ACACB: variants seen among roughly 807,000 people sequenced by gnomAD.
ACACB encodes the protein acetyl-CoA carboxylase beta, also known as acetyl-CoA carboxylase 2.
ACACB carries 209 observed loss-of-function variants against 278.8 expected under a neutral mutation model. The observed-to-expected ratio is 0.75, with a 90% CI of 0.67 to 0.84. The LOEUF is 0.84. Ranked by LOEUF, ACACB falls within the 40% of genes least tolerant of loss-of-function variation. The pLI is 0.00. For missense variants in ACACB, 2,850 were observed against 3,269.0 expected (o/e 0.87, Z 3.13); for synonymous variants, 1,174 against 1,285.6 (o/e 0.91, Z 1.86).
chr12:109,258,962 C>G lies in ACACB; in HGVS notation c.6361-11C>G. On this transcript the variant is annotated splice_polypyrimidine_tract_variant and intron_variant, in intron 46 of 52. Transcript: ENST00000338432. ...GCAGAGACATCTGATCCCCGCAGCT[C>G]TGTGTTCCAGATAATTCAGCAGGCA... is the stretch of plus-strand genomic sequence containing the variant. The G allele has an allele frequency of 1.2e-6, 2 of 1,613,996 alleles. No individual in the cohort carries two copies. The highest frequency in any genetic ancestry group is 1.7e-6 in the Non-Finnish European group (2 of 1,179,918).
upstream of ACACB, among the ~76,000 whole-genome samples, chr12:109,115,443 G>A (rs11834852): frequency 0.039 from 5,915 of 152,174 alleles, 204 homozygotes; most frequent in African/African-American, 0.088. Flanking sequence ...ATCACAGATG[G>A]CTCTCCCTGG....
chr12:109,135,080 G>C (rs1008471250), intron 1 of ACACB, among the ~76,000 whole-genome samples: 2 of 152,046 alleles, frequency 1.3e-5, no homozygotes, highest in Non-Finnish European at 2.9e-5. Flanking sequence ...AACTTTTTAA[G>C]GAACCACCAG....
Position 109,233,815 on chromosome 12 carries a change from C to T in ACACB, c.4207C>T (p.Arg1403Cys), listed in dbSNP as rs1297313839. 9 of 1,614,038 alleles carry T rather than the reference C, an allele frequency of 5.6e-6. No homozygotes were observed. Among genetic ancestry groups the T allele is most frequent in the Non-Finnish European group, 7.6e-6 (9 of 1,180,040 alleles). Residue 1403 changes from arginine to cysteine, a missense_variant, in exon 30 of 53, where the codon CGC (arginine) becomes TGC (cysteine). Arg to Cys is a radical substitution (Grantham distance 180). Around this residue, in one of 3 missense-constraint regions of ACACB, gnomAD observed 2,265 missense variants for 2,561.3 expected, o/e 0.88. Transcript: ENST00000338432. ...AGACACCCCCCTCTTCAGCGAGGCC[C>T]GCACCTCCCTATACTCCGAGGATGA... ...PKDTPLFSEA[R>C]TSLYSEDDCK...
In ACACB at chr12:109,262,487, G is replaced by C. The variant is rs368881213; in HGVS notation, c.6787+18G>C. On this transcript the variant is annotated intron_variant, in intron 49 of 52. Transcript: ENST00000338432. ...ACAGCTAGGTAAGGGGGTCCCAAAG[G>C]CTTCACCTCTCAGAGGTCAAGAGAG... 1.3e-6 allele frequency: 2 copies of C among 1,582,366 alleles called. No individual in the cohort carries two copies. Among genetic ancestry groups the C allele is most frequent in the Non-Finnish European group, 1.7e-6 (2 of 1,152,884 alleles).
chr12:109,246,986 G>A (rs1039207954), intron 39 of ACACB, among the ~76,000 whole-genome samples: 5 of 152,132 alleles, frequency 3.3e-5, no homozygotes, highest in Non-Finnish European at 7.3e-5. Context: ...GTTGAAGTGG[G>A]AGGATCACTT....
intron 26 of ACACB, among the ~76,000 whole-genome samples, 153 bp downstream of exon 26, chr12:109,223,065 G>A (rs112389937): frequency 6.6e-6 from 1 of 152,146 alleles, no homozygotes; most frequent in African/African-American, 2.4e-5. Flanking sequence ...TGTGGCCAGG[G>A]CTGCCCGAGG....
chr12:109,259,737 T>C (rs2047330146), intron 47 of ACACB, among the ~76,000 whole-genome samples: 1 of 152,172 alleles, frequency 6.6e-6, no homozygotes, highest in Admixed American at 6.5e-5. Context: ...AGGATGTTTG[T>C]CCACCCTTCC....
At chr12:109,205,010 T>C (rs528827801) in intron 19 of ACACB, among the ~76,000 whole-genome samples, 3 of 152,210 alleles carry the variant, frequency 2.0e-5, no homozygotes, top group African/African-American at 7.2e-5. Context: ...TGTGCGACCA[T>C]GCCTGACTAA....
intron 1 of ACACB, among the ~76,000 whole-genome samples, chr12:109,138,304 T>C (rs1220158967): frequency 6.6e-6 from 1 of 152,290 alleles, no homozygotes; most frequent in East Asian, 1.9e-4. Context: ...TTGGAATACC[T>C]GGGTTCATTC....
chr12:109,154,800 G>A lies in ACACB; in HGVS notation c.654-12061G>A, dbSNP rs577655339. 2.6e-3 allele frequency: 396 copies of A among 152,930 alleles called. 3 individuals carry two copies. The highest frequency in any genetic ancestry group is 5.0e-3 in the East Asian group (26 of 5,176). 9.5% of individuals were successfully genotyped at this position (152,930 alleles called of 1,614,324 possible). A position where few individuals can be genotyped will look rare whatever the true frequency, so the allele number is the denominator to read the frequency against. ...GGGTCGCGACCTGGCTGTCCTGCTG[G>A]GTCCCGGGCCTCGGGTCGGCTTCAG... is the stretch of plus-strand genomic sequence containing the variant. On this transcript the variant is annotated intron_variant, in intron 2 of 52. Coordinates refer to ENST00000338432, the MANE Select transcript of ACACB (RefSeq NM_001093.4).
At chr12:109,185,216 G>A (rs768603876) in intron 11 of ACACB, among the ~76,000 whole-genome samples, 1 of 152,024 alleles carries the variant, frequency 6.6e-6, no homozygotes, top group Non-Finnish European at 1.5e-5. Context: ...TTTCCCCTTC[G>A]GGTGCCCTTT....
chr12:109,135,414 G>T (rs866637975), intron 1 of ACACB, among the ~76,000 whole-genome samples: 1 of 151,962 alleles, frequency 6.6e-6, no homozygotes, highest in African/African-American at 2.4e-5. Context: ...TACATTCTGG[G>T]CACTAGACTC....
intron 4 of ACACB, among the ~76,000 whole-genome samples, chr12:109,169,283 G>A (rs1343029419): frequency 1.3e-5 from 2 of 151,852 alleles, no homozygotes; most frequent in Non-Finnish European, 2.9e-5. Context: ...AAGCCTTCCT[G>A]CCCCAAGCTC....
chr12:109,153,588 A>G (rs1484155527), intron 2 of ACACB, among the ~76,000 whole-genome samples: 1 of 152,180 alleles, frequency 6.6e-6, no homozygotes, highest in Non-Finnish European at 1.5e-5. Flanking sequence ...GGCTACCTTT[A>G]TTATTACTGC....
rs2046986272 is a variant in ACACB at position 109,247,707 on chromosome 12, A to T, written c.5669+4A>T. The stretch of plus-strand genomic sequence containing the variant: ...TCGAGGAAGGAGGAGAGTCCAGGTA[A>T]ATAACTTATCAGGTAGCTCCTTAAT... On this transcript the variant is annotated splice_donor_region_variant and intron_variant, in intron 40 of 52. Coordinates refer to ENST00000338432, the MANE Select transcript of ACACB (RefSeq NM_001093.4). 1.2e-6 allele frequency: 2 copies of T among 1,608,656 alleles called. No homozygotes were observed. The highest frequency in any genetic ancestry group is 2.7e-5 in the African/African-American group (2 of 74,792).
At chr12:109,252,885 T>A in intron 42 of ACACB, 130 bp from the exon 43 acceptor site, 1 of 874,336 alleles carries the variant, frequency 1.1e-6, no homozygotes, top group Non-Finnish European at 1.6e-6. Context: ...AGCCTGAGCA[T>A]CAGGATTTGT....
At chr12:109,228,997 T>A (rs969121570) in intron 28 of ACACB, among the ~76,000 whole-genome samples, 1 of 152,078 alleles carries the variant, frequency 6.6e-6, no homozygotes, top group African/African-American at 2.4e-5. Context: ...CTCGCTCTGT[T>A]GCCCAGGCTG....
intron 18 of ACACB, among the ~76,000 whole-genome samples, chr12:109,201,064 G>A (rs775131399): frequency 1.3e-5 from 2 of 152,200 alleles, no homozygotes; most frequent in Non-Finnish European, 2.9e-5. Flanking sequence ...CCGCCACCAT[G>A]GTGACAAAGC....
chr12:109,242,175 G>T, intron 36 of ACACB: 1 of 401,582 alleles, frequency 2.5e-6, no homozygotes, highest in Non-Finnish European at 4.5e-6. Context: ...GCGTTTCCAT[G>T]CATGCCTGTT....
Sources: gnomAD v4.1 joint callset for allele counts (sites outside exome capture counted in the v4.1 genomes callset) on GRCh38, gnomAD v4.1.1 for gene constraint, gnomAD v4.1.1 regional missense constraint, MANE v1.5 for transcripts, NCBI Gene and HGNC (gene_info 2026-07-23, HGNC 2026-07-21) for gene names.